Variants in CNBD1 observed in about 807,000 individuals in gnomAD.
CNBD1 encodes the protein cyclic nucleotide binding domain containing 1, also known as cyclic nucleotide-binding domain-containing protein 1.
A neutral mutation model predicts 54.4 loss-of-function variants in CNBD1; 71 were observed. The ratio of observed to expected loss-of-function variants is 1.30; its 90% CI spans 1.08 to 1.59. The LOEUF (loss-of-function observed/expected upper bound fraction) is 1.59. Ranked by LOEUF, CNBD1 falls within the 40% of genes most tolerant of loss-of-function variation. The probability of loss-of-function intolerance (pLI) is 0.00; values close to 1 mark genes in which losing one functional copy is unlikely to be tolerated. For missense variants in CNBD1, 659 were observed against 518.0 expected (o/e 1.27, Z -2.64); for synonymous variants, 182 against 170.7 (o/e 1.07, Z -0.51).
At chr8:87,169,799 G>A (rs1303500057) in intron 4 of CNBD1, among the ~76,000 whole-genome samples, 2 of 152,106 alleles carry the variant, frequency 1.3e-5, no homozygotes, top group East Asian at 3.9e-4. Flanking sequence ...TGCCATTTTG[G>A]TTACTATAAT....
At chr8:87,158,660 T>C (rs1812793529) in intron 4 of CNBD1, among the ~76,000 whole-genome samples, 1 of 152,152 alleles carries the variant, frequency 6.6e-6, no homozygotes, top group South Asian at 2.1e-4. Flanking sequence ...GGAGTTTAAA[T>C]CCAGAGACAG....
At chr8:86,893,217 G>C (rs544639040) in intron 2 of CNBD1, among the ~76,000 whole-genome samples, 74 of 152,232 alleles carry the variant, frequency 4.9e-4, no homozygotes, top group Middle Eastern at 6.8e-3. Context: ...TATAATTCAA[G>C]GCATGCCTAT....
intron 5 of CNBD1, among the ~76,000 whole-genome samples, chr8:87,228,219 C>A (rs1249177662): frequency 6.6e-6 from 1 of 150,404 alleles, no homozygotes; most frequent in Admixed American, 6.6e-5. Flanking sequence ...ATTTGATCGT[C>A]TGAAGCCTTC....
intron 8 of CNBD1, among the ~76,000 whole-genome samples, chr8:87,350,133 T>A (rs756526211): frequency 1.3e-5 from 2 of 152,162 alleles, no homozygotes; most frequent in Non-Finnish European, 2.9e-5. Context: ...TACTATCATA[T>A]GTTTTGGTGG....
At chr8:87,398,707 C>T (rs571261226) in intron 2 of CNBD1, among the ~76,000 whole-genome samples, 3 of 152,160 alleles carry the variant, frequency 2.0e-5, no homozygotes, top group Admixed American at 2.0e-4. Context: ...TATAATTCCT[C>T]TGTCTTAGAA....
intron 2 of CNBD1, among the ~76,000 whole-genome samples, chr8:87,389,789 A>C (rs995874532): frequency 1.3e-5 from 2 of 152,222 alleles, no homozygotes; most frequent in African/African-American, 4.8e-5. Flanking sequence ...CGCATTGCCC[A>C]GTCAATCCTA....
Position 87,237,090 on chromosome 8 carries a change from A to G in CNBD1, c.749A>G (p.Tyr250Cys). 1.9e-6 allele frequency: 3 copies of G among 1,609,936 alleles called. No individual in the cohort carries two copies. The highest frequency in any genetic ancestry group is 2.5e-6 in the Non-Finnish European group (3 of 1,177,356). ...AAAAACTCTACACTTGCTGAGATGT[A>G]CCTACCTTCATATGACTCAATGGTA... is the stretch of plus-strand genomic sequence containing the variant. ...EFKNSTLAEM[Y>C]LPSYDSMLSK... The change falls in exon 6 of 11, where the codon TAC (tyrosine) becomes TGC (cysteine). Residue 250 changes from tyrosine (Y) to cysteine (C), a missense_variant. By Grantham distance (194) the Tyr-to-Cys change is radical (BLOSUM62 -2). Transcript: ENST00000518476.
intron 4 of CNBD1, among the ~76,000 whole-genome samples, chr8:87,010,067 T>C (rs1330002591): frequency 6.6e-6 from 1 of 152,202 alleles, no homozygotes; most frequent in Admixed American, 6.5e-5. Context: ...TTATCTTTAA[T>C]TTTTGGAATT....
At chr8:87,126,469 A>T (rs541047277) in intron 4 of CNBD1, among the ~76,000 whole-genome samples, 1 of 152,072 alleles carries the variant, frequency 6.6e-6, no homozygotes, top group South Asian at 2.1e-4. Context: ...TGTCGGTTCA[A>T]ATCTTATGTC....
intron 4 of CNBD1, among the ~76,000 whole-genome samples, chr8:87,012,624 AT>A (rs1203574501): frequency 6.6e-6 from 1 of 152,090 alleles, no homozygotes; most frequent in Non-Finnish European, 1.5e-5. Flanking sequence ...ATAAAAAACA[AT>A]TTACAACCTG....
At chr8:86,899,338 A>T (rs1182837902) in intron 2 of CNBD1, among the ~76,000 whole-genome samples, 2 of 152,128 alleles carry the variant, frequency 1.3e-5, no homozygotes, top group Non-Finnish European at 2.9e-5. Context: ...GCCACAAAAA[A>T]AAAATGGGTA....
At chr8:87,320,456 A>C (rs1036836789) in intron 8 of CNBD1, among the ~76,000 whole-genome samples, 1 of 152,132 alleles carries the variant, frequency 6.6e-6, no homozygotes, top group Non-Finnish European at 1.5e-5. Flanking sequence ...CAAACACATT[A>C]TATGTGATGA....
chr8:87,024,332 T>G (rs1809577715), intron 4 of CNBD1, among the ~76,000 whole-genome samples: 1 of 151,616 alleles, frequency 6.6e-6, no homozygotes, highest in Non-Finnish European at 1.5e-5. Flanking sequence ...TTTATTTATT[T>G]TTATAATTTA....
intron 8 of CNBD1, among the ~76,000 whole-genome samples, chr8:87,309,034 T>G (rs531522949): frequency 1.3e-5 from 2 of 152,320 alleles, no homozygotes; most frequent in African/African-American, 2.4e-5. Flanking sequence ...CTATTGTGAA[T>G]AGTGCTACCT....
At chr8:86,873,735 A>G (rs1808475023) in intron 1 of CNBD1, among the ~76,000 whole-genome samples, 1 of 152,112 alleles carries the variant, frequency 6.6e-6, no homozygotes, top group Non-Finnish European at 1.5e-5. Flanking sequence ...TCTTTTTTCT[A>G]TTATGAATGA....
At chr8:87,380,245 A>C (rs1482814938) in intron 10 of CNBD1, among the ~76,000 whole-genome samples, 3 of 151,976 alleles carry the variant, frequency 2.0e-5, no homozygotes, top group Non-Finnish European at 2.9e-5. Context: ...TCTCTACCTA[A>C]ATAGTATACA....
chr8:87,249,711 A>C (rs1300121418), intron 6 of CNBD1, among the ~76,000 whole-genome samples: 1 of 152,206 alleles, frequency 6.6e-6, no homozygotes, highest in Non-Finnish European at 1.5e-5. Flanking sequence ...GTTAGCAAGC[A>C]AAACAGGAGT....
At chr8:87,129,348 T>C (rs1812069594) in intron 4 of CNBD1, among the ~76,000 whole-genome samples, 1 of 152,092 alleles carries the variant, frequency 6.6e-6, no homozygotes, top group African/African-American at 2.4e-5. Flanking sequence ...CATCTATATA[T>C]CTATGTGTAT....
chr8:87,091,599 C>T (rs1271298027), intron 4 of CNBD1, among the ~76,000 whole-genome samples: 4 of 152,158 alleles, frequency 2.6e-5, no homozygotes, highest in Admixed American at 2.6e-4. Flanking sequence ...CAAACAAATT[C>T]TCAGAATTCC....
Sources: allele counts gnomAD v4.1 joint callset (sites outside exome capture counted in the v4.1 genomes callset), GRCh38; gene constraint gnomAD v4.1.1; transcripts MANE v1.5; gene names NCBI Gene and HGNC (gene_info 2026-07-23, HGNC 2026-07-21).